Variants in WWOX observed in about 807,000 individuals in gnomAD.
WWOX encodes the protein WW domain containing oxidoreductase.
In WWOX, 69 loss-of-function variants were observed where a neutral mutation model predicts 46.2. That is an observed-to-expected ratio of 1.49 (90% CI 1.23 to 1.82). The LOEUF (loss-of-function observed/expected upper bound fraction) is 1.82. WWOX is among the 40% of genes most tolerant of loss of function. WWOX has a pLI of 0.00. For synonymous variants in WWOX, 359 were observed against 202.6 expected, an observed-to-expected ratio of 1.77 and a Z score of -6.56; for missense variants, 919 against 542.6, an observed-to-expected ratio of 1.69 and a Z score of -6.89.
intron 8 of WWOX, among the ~76,000 whole-genome samples, chr16:78,588,177 C>T (rs757162434): frequency 3.9e-4 from 59 of 152,184 alleles, no homozygotes; most frequent in Non-Finnish European, 6.5e-4. Context: ...GAAGTTTCCC[C>T]TGGGTGGCTC....
chr16:78,329,407 C>T (rs1209294437), intron 5 of WWOX, among the ~76,000 whole-genome samples: 2 of 152,192 alleles, frequency 1.3e-5, no homozygotes, highest in African/African-American at 4.8e-5. Context: ...AGGTTCCAGA[C>T]AGAGTGAAAT....
chr16:78,731,579 G>C (rs2048969673), intron 8 of WWOX, among the ~76,000 whole-genome samples: 1 of 151,606 alleles, frequency 6.6e-6, no homozygotes, highest in Non-Finnish European at 1.5e-5. Flanking sequence ...TCGTTTATTT[G>C]GGCTTTTTCG....
chr16:79,008,912 C>T (rs1004387653), intron 8 of WWOX, among the ~76,000 whole-genome samples: 1 of 152,140 alleles, frequency 6.6e-6, no homozygotes, highest in Admixed American at 6.5e-5. Flanking sequence ...CAAAGGCGAG[C>T]TAAAAATGTC....
At chr16:78,574,315 C>T (rs1051822368) in intron 8 of WWOX, among the ~76,000 whole-genome samples, 1 of 152,198 alleles carries the variant, frequency 6.6e-6, no homozygotes, top group East Asian at 1.9e-4. Context: ...GTCAGAAGTC[C>T]TGCACACATT....
chr16:78,482,562 T>A (rs1001362864), intron 8 of WWOX, among the ~76,000 whole-genome samples: 3 of 152,186 alleles, frequency 2.0e-5, no homozygotes, highest in African/African-American at 7.2e-5. Flanking sequence ...CCAGTATTTA[T>A]TGAATACTTA....
At chr16:79,001,775 A>G (rs979204825) in intron 8 of WWOX, among the ~76,000 whole-genome samples, 3 of 152,124 alleles carry the variant, frequency 2.0e-5, no homozygotes, top group Non-Finnish European at 2.9e-5. Context: ...TGGAGAAAGT[A>G]CAAATGAAAG....
intron 8 of WWOX, among the ~76,000 whole-genome samples, chr16:78,907,092 C>G (rs1413360217): frequency 6.6e-6 from 1 of 152,096 alleles, no homozygotes; most frequent in Non-Finnish European, 1.5e-5. Flanking sequence ...TATTGTTACT[C>G]AAATCAGCTT....
At chr16:78,917,886 T>TA (rs1180284768) in intron 8 of WWOX, among the ~76,000 whole-genome samples, 3 of 152,118 alleles carry the variant, frequency 2.0e-5, no homozygotes, top group Non-Finnish European at 4.4e-5. Flanking sequence ...TCTTGTTTTT[T>TA]AAAACAAAAA....
chr16:79,206,663 C>G (rs2051522206), intron 8 of WWOX: 2 of 152,128 alleles, frequency 1.3e-5, no homozygotes, highest in South Asian at 2.1e-4. Flanking sequence ...GTAGACATCT[C>G]TGTTCTCGTC....
At chr16:78,445,363 C>G (rs1025997529) in intron 8 of WWOX, among the ~76,000 whole-genome samples, 8 of 152,164 alleles carry the variant, frequency 5.3e-5, no homozygotes, top group Non-Finnish European at 1.2e-4. Flanking sequence ...TGTTGATGTG[C>G]ATGCATTCAT....
intron 8 of WWOX, among the ~76,000 whole-genome samples, chr16:79,097,969 G>A (rs1400194215): frequency 6.6e-6 from 1 of 152,150 alleles, no homozygotes; most frequent in Non-Finnish European, 1.5e-5. Context: ...GTGTGGCAAT[G>A]CTTCAAGCCT....
At chr16:78,860,736 T>C (rs1413545638) in intron 8 of WWOX, among the ~76,000 whole-genome samples, 1 of 152,210 alleles carries the variant, frequency 6.6e-6, no homozygotes, top group East Asian at 1.9e-4. Context: ...CACTGCAAAA[T>C]GTGTGGATGT....
chr16:78,783,696 A>G (rs1325456636), intron 8 of WWOX, among the ~76,000 whole-genome samples: 1 of 149,562 alleles, frequency 6.7e-6, no homozygotes, highest in East Asian at 2.0e-4. Context: ...GATGATGATG[A>G]TCATGGTGAT....
intron 8 of WWOX, among the ~76,000 whole-genome samples, chr16:79,047,312 T>TA (rs1235914529): frequency 6.6e-6 from 1 of 152,200 alleles, no homozygotes; most frequent in Non-Finnish European, 1.5e-5. Context: ...AGTGTTTTCT[T>TA]AGATTCCCTT....
At chr16:78,151,671 A>C (rs1025393978) in intron 4 of WWOX, among the ~76,000 whole-genome samples, 2 of 152,176 alleles carry the variant, frequency 1.3e-5, no homozygotes, top group Non-Finnish European at 2.9e-5. Context: ...AAGGCCCATG[A>C]ATTATCAATT....
At position 78,852,777 on chromosome 16, in the gene WWOX, T is replaced by C. The variant is rs140216290; in HGVS notation, c.1057-358831T>C. On this transcript the variant is annotated intron_variant, in intron 8 of 8. Coordinates refer to ENST00000566780, the MANE Select transcript of WWOX (RefSeq NM_016373.4). ...TAATAACAATTAAAATGGAAGAAAA[T>C]GTAGGAGTTCCTCAATGGTTCCACC... is the stretch of plus-strand genomic sequence containing the variant. 2.4e-3 allele frequency among the ~76,000 whole-genome samples: 369 copies of C among 152,196 alleles called. 1 individual carries two copies. The highest frequency in any genetic ancestry group is 8.6e-3 in the African/African-American group (356 of 41,512).
At chr16:78,161,716 C>T (rs1056632718) in intron 4 of WWOX, among the ~76,000 whole-genome samples, 1 of 152,206 alleles carries the variant, frequency 6.6e-6, no homozygotes, top group Non-Finnish European at 1.5e-5. Flanking sequence ...GCTAGAATTA[C>T]AGGCCACTGT....
intron 8 of WWOX, among the ~76,000 whole-genome samples, chr16:78,482,235 A>T (rs1048176916): frequency 6.6e-6 from 1 of 151,782 alleles, no homozygotes; most frequent in African/African-American, 2.4e-5. Flanking sequence ...TAACTCCATA[A>T]TTTTTTTTAT....
intron 8 of WWOX, among the ~76,000 whole-genome samples, chr16:79,001,769 G>T (rs967923263): frequency 6.6e-6 from 1 of 152,222 alleles, no homozygotes; most frequent in Middle Eastern, 3.4e-3. Context: ...GGAAGTTGGA[G>T]AAAGTACAAA....
Sources: allele counts gnomAD v4.1 joint callset (sites outside exome capture counted in the v4.1 genomes callset), GRCh38; gene constraint gnomAD v4.1.1; transcripts MANE v1.5; gene names NCBI Gene and HGNC (gene_info 2026-07-23, HGNC 2026-07-21).